Variants in CDH18 observed in about 807,000 individuals in gnomAD.
CDH18 encodes the protein cadherin-18.
A neutral mutation model predicts 67.9 loss-of-function variants in CDH18; 31 were observed. That is an observed-to-expected ratio of 0.46 (90% CI 0.34 to 0.62). CDH18 has a LOEUF of 0.62. Among genes scored for constraint, CDH18 ranks in the 20% least tolerant of loss-of-function variants. The pLI is 0.01. For missense variants in CDH18, 890 were observed against 975.5 expected, an observed-to-expected ratio of 0.91 and a Z score of 1.17; for synonymous variants, 362 against 347.2, an observed-to-expected ratio of 1.04 and a Z score of -0.48.
At chr5:20,388,438 G>A (rs899458719) in intron 1 of CDH18, among the ~76,000 whole-genome samples, 17 of 151,638 alleles carry the variant, frequency 1.1e-4, no homozygotes, top group African/African-American at 3.1e-4. Flanking sequence ...TTTTTATTGC[G>A]TCTGTTTGAT....
intron 1 of CDH18, among the ~76,000 whole-genome samples, chr5:20,406,053 C>T (rs191739950): frequency 2.4e-3 from 368 of 151,504 alleles, no homozygotes; most frequent in African/African-American, 8.6e-3. Context: ...GAACTAGAAA[C>T]ATCATTTGAC....
chr5:20,434,035 C>G (rs888098390), intron 1 of CDH18, among the ~76,000 whole-genome samples: 1 of 152,060 alleles, frequency 6.6e-6, no homozygotes, highest in Admixed American at 6.6e-5. Context: ...CTCCCTGGTA[C>G]TAGGAATGTT....
At chr5:20,010,579 T>C (rs1040273173) in intron 2 of CDH18, among the ~76,000 whole-genome samples, 2 of 152,100 alleles carry the variant, frequency 1.3e-5, no homozygotes, top group African/African-American at 4.8e-5. Flanking sequence ...TCATAAAATT[T>C]TCTATATCAT....
intron 2 of CDH18, among the ~76,000 whole-genome samples, chr5:20,062,092 C>A (rs989121721): frequency 6.6e-6 from 1 of 151,068 alleles, no homozygotes; most frequent in Non-Finnish European, 1.5e-5. Context: ...TCAGTAAATA[C>A]CCTAAAATCA....
chr5:20,174,046 A>T (rs1221327853), intron 2 of CDH18, among the ~76,000 whole-genome samples: 1 of 152,226 alleles, frequency 6.6e-6, no homozygotes, highest in Admixed American at 6.5e-5. Context: ...TTATTTTAAA[A>T]GTAGTCAAGA....
At chr5:20,198,582 C>A (rs114706365) in intron 2 of CDH18, among the ~76,000 whole-genome samples, 2 of 152,002 alleles carry the variant, frequency 1.3e-5, no homozygotes, top group Non-Finnish European at 2.9e-5. Flanking sequence ...CCTGATGATG[C>A]GGTAGAAAAA....
At chr5:20,050,543 A>G (rs1280736688) in intron 2 of CDH18, among the ~76,000 whole-genome samples, 1 of 151,906 alleles carries the variant, frequency 6.6e-6, no homozygotes, top group African/African-American at 2.4e-5. Context: ...GAGTCATTAA[A>G]CACACATTTA....
chr5:20,056,167 G>A (rs1440383530), intron 2 of CDH18, among the ~76,000 whole-genome samples: 1 of 150,862 alleles, frequency 6.6e-6, no homozygotes, highest in Non-Finnish European at 1.5e-5. Context: ...ACTATGCCTT[G>A]CTAATTTTTG....
At chr5:20,306,714 G>A (rs1471541918) in intron 1 of CDH18, among the ~76,000 whole-genome samples, 1 of 152,016 alleles carries the variant, frequency 6.6e-6, no homozygotes, top group Non-Finnish European at 1.5e-5. Flanking sequence ...AAATCACAAA[G>A]GTATGTTTTT....
intron 3 of CDH18, among the ~76,000 whole-genome samples, chr5:19,787,799 T>C (rs1318794525): frequency 8.3e-6 from 1 of 119,920 alleles, no homozygotes; most frequent in Admixed American, 8.3e-5. Context: ...TGAATAGCAG[T>C]AATTTACAGT....
intron 2 of CDH18, among the ~76,000 whole-genome samples, chr5:20,039,368 A>G (rs908677866): frequency 2.0e-5 from 3 of 152,164 alleles, no homozygotes; most frequent in South Asian, 2.1e-4. Context: ...TATGGAACCA[A>G]AAAAGAGCCC....
At chr5:20,379,617 G>T (rs1234194237) in intron 1 of CDH18, among the ~76,000 whole-genome samples, 1 of 151,914 alleles carries the variant, frequency 6.6e-6, no homozygotes, top group Non-Finnish European at 1.5e-5. Context: ...AAAACATGAT[G>T]AATGACATAT....
At chr5:20,352,405 G>T (rs1391319208) in intron 1 of CDH18, among the ~76,000 whole-genome samples, 2 of 151,910 alleles carry the variant, frequency 1.3e-5, no homozygotes, top group Non-Finnish European at 2.9e-5. Flanking sequence ...TTGACTGTGT[G>T]GGGGGCCAGC....
At chr5:20,034,713 C>T (rs1739691986) in intron 2 of CDH18, among the ~76,000 whole-genome samples, 1 of 152,028 alleles carries the variant, frequency 6.6e-6, no homozygotes, top group Non-Finnish European at 1.5e-5. Context: ...CTGACTGAAA[C>T]TATGCTATGG....
intron 1 of CDH18, among the ~76,000 whole-genome samples, chr5:20,474,887 C>A (rs1049624847): frequency 2.0e-5 from 3 of 152,160 alleles, no homozygotes; most frequent in Non-Finnish European, 2.9e-5. Flanking sequence ...TACAGAGGTG[C>A]GTTTCTTGGC....
chr5:19,527,867 T>C (rs999623567), intron 9 of CDH18, among the ~76,000 whole-genome samples: 6 of 151,766 alleles, frequency 4.0e-5, no homozygotes, highest in African/African-American at 1.4e-4. Flanking sequence ...CAGTTGCCTA[T>C]AAATCCTCCA....
chr5:19,716,127 A>G (rs1038249338), intron 5 of CDH18, among the ~76,000 whole-genome samples: 4 of 152,138 alleles, frequency 2.6e-5, no homozygotes, highest in African/African-American at 4.8e-5. Context: ...CCTCTTGTCA[A>G]TCTTAAAGAA....
At chr5:19,607,684 A>T (rs1748280723) in intron 6 of CDH18, among the ~76,000 whole-genome samples, 1 of 151,494 alleles carries the variant, frequency 6.6e-6, no homozygotes, top group South Asian at 2.1e-4. Context: ...GAGAAATTAT[A>T]ATGTCATTTT....
intron 2 of CDH18, among the ~76,000 whole-genome samples, chr5:19,938,966 CA>C (rs1271638163): frequency 2.0e-5 from 3 of 150,406 alleles, no homozygotes; most frequent in South Asian, 2.1e-4. Context: ...ACATTTGGAC[CA>C]TTTTTTTGTT....
Sources: allele counts gnomAD v4.1 joint callset (sites outside exome capture counted in the v4.1 genomes callset), GRCh38; gene constraint gnomAD v4.1.1; transcripts MANE v1.5; gene names NCBI Gene and HGNC (gene_info 2026-07-23, HGNC 2026-07-21).